The following AGAP3 variants were observed in gnomAD, a reference collection of about 807,000 sequenced individuals.
AGAP3 encodes ArfGAP with GTPase domain, ankyrin repeat and PH domain 3.
In AGAP3, 24 loss-of-function variants were observed where a neutral mutation model predicts 96.9. That is an observed-to-expected ratio of 0.25 (90% confidence interval 0.18 to 0.35). The LOEUF is 0.35. Among genes scored for constraint, AGAP3 ranks in the 10% least tolerant of loss-of-function variants. AGAP3 has a pLI of 1.00. For missense variants in AGAP3, 876 were observed against 1,254.2 expected (o/e 0.70, Z 4.55); for synonymous variants, 563 against 536.1 (o/e 1.05, Z -0.69).
intron 1 of AGAP3, among the ~76,000 whole-genome samples, chr7:151,107,867 G>A (rs756597730): frequency 7.9e-5 from 12 of 152,234 alleles, no homozygotes; most frequent in South Asian, 2.1e-4. Flanking sequence ...GCATAGAGCC[G>A]TACGATGCTT....
chr7:151,134,986 G>A (rs187501911), intron 11 of AGAP3, among the ~76,000 whole-genome samples: 2 of 152,304 alleles, frequency 1.3e-5, no homozygotes, highest in East Asian at 3.9e-4. Context: ...CATATTCTCA[G>A]GCCTGAGTGA....
rs757896544 is a variant in AGAP3, at chr7:151,141,968, G to A, written c.1875G>A (p.Thr625=). The change falls in exon 14 of 18, where the codon ACG becomes ACA. Residue 625 remains threonine (T), a synonymous_variant. Transcript: ENST00000397238. This position sits in a 1 kb window ranked among gnomAD's most constrained non-coding sequence, Gnocchi z 4.2. ...AGACGTGGCACTTCGAGGCTTCAAC[G>A]GCGGAGGAGCGGGAGCTGTGGGTTC... ...TGQTWHFEAS[T]AEERELWVQS... The A allele has an allele frequency of 1.7e-5, 27 of 1,602,362 alleles. No individual in the cohort carries two copies. Among genetic ancestry groups the A allele is most frequent in the East Asian group, 9.1e-5 (4 of 43,974 alleles).
At chr7:151,095,651 G>A (rs1798574046) in intron 1 of AGAP3, among the ~76,000 whole-genome samples, 1 of 146,294 alleles carries the variant, frequency 6.8e-6, no homozygotes, top group African/African-American at 2.6e-5. Flanking sequence ...TGTGCCTGGA[G>A]GAGGTTTTGG....
At chr7:151,104,857 G>T (rs183184666) in intron 1 of AGAP3, among the ~76,000 whole-genome samples, 2 of 152,326 alleles carry the variant, frequency 1.3e-5, no homozygotes, top group Non-Finnish European at 2.9e-5. Context: ...GCAGGGGAAG[G>T]GTTGAAGAAC....
chr7:151,113,375 C>T (rs1054964567), intron 1 of AGAP3, among the ~76,000 whole-genome samples: 3 of 151,820 alleles, frequency 2.0e-5, no homozygotes, highest in South Asian at 2.1e-4. Context: ...AGGGCCTCTC[C>T]AGGCCTGGGA....
rs1342443252 is a variant in AGAP3 at position 151,134,564 on chromosome 7, C to T, written c.1491C>T (p.Gly497=). The T allele has an allele frequency of 6.2e-7, 1 of 1,607,666 alleles. No homozygotes were observed. Among genetic ancestry groups the T allele is most frequent in the Admixed American group, 1.7e-5 (1 of 59,522 alleles). ...GGAGTAACACACAGCTGGGTGGGGGCACAGGTGAGGCGGCTGCTGAGGTGG... is the reference window on the plus strand; with the variant it reads ...GGAGTAACACACAGCTGGGTGGGGGTACAGGTGAGGCGGCTGCTGAGGTGG... ...VERSNTQLGG[G]TGAPHSASSA... Residue 497 remains glycine (G), a synonymous_variant, in exon 11 of 18, where the codon GGC becomes GGT. Coordinates refer to ENST00000397238, the MANE Select transcript of AGAP3 (RefSeq NM_031946.7).
intron 1 of AGAP3, among the ~76,000 whole-genome samples, chr7:151,105,627 T>C (rs1316975666): frequency 1.3e-5 from 2 of 150,302 alleles, no homozygotes; most frequent in South Asian, 2.1e-4. Context: ...TAGCCGGGCA[T>C]AGCTGACACA....
chr7:151,121,726 G>A (rs113321173), intron 8 of AGAP3, among the ~76,000 whole-genome samples: 12 of 152,056 alleles, frequency 7.9e-5, no homozygotes, highest in South Asian at 2.1e-4. Flanking sequence ...TCCTCACAGC[G>A]GCGACCTTAT....
chr7:151,135,595 C>T, intron 11 of AGAP3, among the ~76,000 whole-genome samples: 1 of 152,138 alleles, frequency 6.6e-6, no homozygotes, highest in Non-Finnish European at 1.5e-5. Context: ...GCAATGATGC[C>T]TCCAGGTGTG....
At chr7:151,101,622 C>G (rs1043603758) in intron 1 of AGAP3, among the ~76,000 whole-genome samples, 1 of 152,220 alleles carries the variant, frequency 6.6e-6, no homozygotes. Flanking sequence ...CCTGTGCCCA[C>G]CACAGCCAAG....
At position 151,119,998 on chromosome 7, in the gene AGAP3, C is replaced by T. The variant is rs544517501; in HGVS notation, c.981C>T (p.Gly327=). 41 of 1,612,782 alleles carry T rather than the reference C, an allele frequency of 2.5e-5. No individual in the cohort carries two copies. The highest frequency in any genetic ancestry group is 1.8e-4 in the Admixed American group (11 of 60,008). ...PAVHINQATN[G]GGSAFSDYSS... is the part of the protein sequence containing the mutation. ...CTCTTTGTCCTTAGGCCACGAATGGCGGCGGCAGCGCCTTCAGCGACTACT... is the reference window on the plus strand; with the variant it reads ...CTCTTTGTCCTTAGGCCACGAATGGTGGCGGCAGCGCCTTCAGCGACTACT... Residue 327 remains glycine, a synonymous_variant, in exon 8 of 18, where the codon GGC becomes GGT. Transcript: ENST00000397238.
At chr7:151,138,777 C>T (rs997091021) in intron 12 of AGAP3, among the ~76,000 whole-genome samples, 2 of 152,160 alleles carry the variant, frequency 1.3e-5, no homozygotes, top group African/African-American at 4.8e-5. Context: ...ATGTGAGCCA[C>T]GTTCCGAAGG....
At chr7:151,112,317 G>A (rs1225836547) in intron 1 of AGAP3, 1 of 152,282 alleles carries the variant, frequency 6.6e-6, no homozygotes, top group African/African-American at 2.4e-5. Flanking sequence ...TGATTCTGCA[G>A]GTGCAGTGGG....
At chr7:151,124,433 G>A (rs770214354) in intron 9 of AGAP3, among the ~76,000 whole-genome samples, 6 of 152,262 alleles carry the variant, frequency 3.9e-5, no homozygotes, top group East Asian at 1.9e-4. Flanking sequence ...CAGTGGACAC[G>A]GCATTGCCCC....
chr7:151,124,818 A>T (rs940186674), intron 9 of AGAP3, among the ~76,000 whole-genome samples: 1 of 152,144 alleles, frequency 6.6e-6, no homozygotes, highest in Middle Eastern at 3.4e-3. Context: ...GTCCATTTAG[A>T]ATGAAGAGTT....
chr7:151,128,443 C>T (rs1163597591), intron 9 of AGAP3, 137 bp from the exon 10 acceptor site: 3 of 685,752 alleles, frequency 4.4e-6, no homozygotes, highest in Non-Finnish European at 7.6e-6. Context: ...CCGATAGGTC[C>T]TTAAAGGCTG....
At chr7:151,125,658 C>T (rs1232032013) in intron 9 of AGAP3, among the ~76,000 whole-genome samples, 2 of 152,094 alleles carry the variant, frequency 1.3e-5, no homozygotes, top group Non-Finnish European at 2.9e-5. Context: ...GGCGCTTCCC[C>T]GCTGCCGCCG....
Position 151,143,194 on chromosome 7 carries a change from T to C in AGAP3, c.2274-147T>C, listed in dbSNP as rs1272003137. Reference sequence around the variant, plus strand: ...GTGCCTGGAGTTTCCAAGGCTTCTCTCCTTCCTTTTTGCTCCATCTCATCT... The same window carrying C: ...GTGCCTGGAGTTTCCAAGGCTTCTCCCCTTCCTTTTTGCTCCATCTCATCT... On this transcript the variant is annotated intron_variant, in intron 16 of 17. Transcript: ENST00000397238. This position sits in a 1 kb window ranked among gnomAD's most constrained non-coding sequence, Gnocchi z 5.9. 3.1e-6 allele frequency: 3 copies of C among 975,728 alleles called. No individual in the cohort carries two copies. The East Asian group carries it at 7.9e-5, about 26-fold the overall frequency. The allele number at this position is 975,728 out of a possible 1,614,324, so 60.4% of individuals were successfully genotyped here.
chr7:151,107,328 GT>G (rs1451730151), intron 1 of AGAP3, among the ~76,000 whole-genome samples: 12 of 139,450 alleles, frequency 8.6e-5, no homozygotes, highest in African/African-American at 3.3e-4. Context: ...AAAAAAAAAA[GT>G]TTTTGCTTTT....
Sources: gnomAD v4.1 joint callset for allele counts (sites outside exome capture counted in the v4.1 genomes callset) on GRCh38, gnomAD v4.1.1 for gene constraint, Gnocchi (gnomAD v3.1) non-coding constraint, MANE v1.5 for transcripts, NCBI Gene and HGNC (gene_info 2026-07-23, HGNC 2026-07-21) for gene names.